Variants in DGKI observed in about 807,000 individuals in gnomAD.
DGKI encodes the protein diacylglycerol kinase iota.
Under a neutral mutation model 147.5 loss-of-function variants are expected in DGKI, and 55 were observed. That is an observed-to-expected ratio of 0.37 (90% CI 0.30 to 0.47). The LOEUF (loss-of-function observed/expected upper bound fraction) is 0.47. Ranked by LOEUF, DGKI falls within the 20% of genes least tolerant of loss-of-function variation. DGKI has a pLI of 1.00. For synonymous variants in DGKI, 469 were observed against 477.1 expected (o/e 0.98, Z 0.22); for missense variants, 1,007 against 1,323.8 (o/e 0.76, Z 3.71).
chr7:137,423,353 C>T lies in DGKI; in HGVS notation c.2762-11146G>A, dbSNP rs143229749. 7.8e-3 allele frequency among the ~76,000 whole-genome samples: 1,186 copies of T among 152,278 alleles called. 10 individuals are homozygous for T. The highest frequency in any genetic ancestry group is 0.03 in the South Asian group (146 of 4,816). On this transcript the variant is annotated intron_variant, in intron 28 of 32. Transcript: ENST00000614521. ...TCTTCCTGTGATCAGGGTCCCTGAA[C>T]TCACTGGATGTGTTTTAGCAGTGTC...
At chr7:137,525,555 G>A (rs1817114913) in intron 20 of DGKI, among the ~76,000 whole-genome samples, 1 of 152,158 alleles carries the variant, frequency 6.6e-6, no homozygotes, top group Non-Finnish European at 1.5e-5. Flanking sequence ...TGGATTTGAA[G>A]TAAAGTTCTT....
intron 2 of DGKI, among the ~76,000 whole-genome samples, chr7:137,687,824 T>G (rs1422723355): frequency 6.6e-6 from 1 of 152,110 alleles, no homozygotes; most frequent in African/African-American, 2.4e-5. Flanking sequence ...GTCAGCTAAG[T>G]GTTTCGTGTC....
intron 27 of DGKI, among the ~76,000 whole-genome samples, chr7:137,452,199 G>C (rs1813994501): frequency 6.6e-6 from 1 of 152,204 alleles, no homozygotes; most frequent in African/African-American, 2.4e-5. Flanking sequence ...ATGGGCTTAA[G>C]ATAAACATGC....
At chr7:137,717,861 T>C (rs1794427141) in intron 1 of DGKI, among the ~76,000 whole-genome samples, 1 of 152,192 alleles carries the variant, frequency 6.6e-6, no homozygotes, top group African/African-American at 2.4e-5. Context: ...AGCACATGAA[T>C]CGCACTGTTT....
At chr7:137,480,918 A>G (rs1391467136) in intron 23 of DGKI, among the ~76,000 whole-genome samples, 1 of 152,064 alleles carries the variant, frequency 6.6e-6, no homozygotes, top group Non-Finnish European at 1.5e-5. Context: ...ATTCTACCCT[A>G]CTACATCTAT....
intron 19 of DGKI, among the ~76,000 whole-genome samples, chr7:137,564,169 T>G (rs1818507584): frequency 6.6e-6 from 1 of 152,172 alleles, no homozygotes; most frequent in African/African-American, 2.4e-5. Flanking sequence ...TGGAAAAAGC[T>G]GGATAAATGC....
At position 137,386,066 on chromosome 7, in the gene DGKI, TG is replaced by T. The variant is rs1316219331; in HGVS notation, c.*5153del. ...GATTACATGCATAACTGAATACATA[TG>T]TAAATAGACTCTGGAGTCTATGCAT... is the stretch of plus-strand genomic sequence containing the variant. On this transcript the variant is annotated 3_prime_UTR_variant, in exon 33 of 33. Transcript: ENST00000614521. The T allele has an allele frequency of 1.3e-5, 2 of 152,164 alleles. No homozygotes were observed. The highest frequency in any genetic ancestry group is 2.9e-5 in the Non-Finnish European group (2 of 68,020). 9.4% of individuals were successfully genotyped at this position (152,164 alleles called of 1,614,324 possible).
At chr7:137,630,746 A>G (rs1003977917) in intron 6 of DGKI, among the ~76,000 whole-genome samples, 1 of 152,286 alleles carries the variant, frequency 6.6e-6, no homozygotes, top group African/African-American at 2.4e-5. Context: ...TTTTTTTCAG[A>G]TAGTTAGTGC....
intron 30 of DGKI, among the ~76,000 whole-genome samples, chr7:137,397,866 T>C (rs1043212995): frequency 3.9e-5 from 6 of 152,334 alleles, no homozygotes; most frequent in African/African-American, 1.4e-4. Context: ...TTCCAGTTTT[T>C]ATAAAATTTC....
At chr7:137,684,922 C>T (rs1240377401) in intron 2 of DGKI, among the ~76,000 whole-genome samples, 1 of 152,158 alleles carries the variant, frequency 6.6e-6, no homozygotes, top group African/African-American at 2.4e-5. Context: ...AACATGCACA[C>T]GGACGAGCAC....
In DGKI at chr7:137,572,834, T is replaced by C; in HGVS notation, c.1766A>G (p.Asp589Gly). 1 of 1,608,354 alleles carries C rather than the reference T, an allele frequency of 6.2e-7. No individual in the cohort carries two copies. Among genetic ancestry groups the C allele is most frequent in the Non-Finnish European group, 8.5e-7 (1 of 1,178,090 alleles). The change falls in exon 18 of 33, where the codon GAT becomes GGT. Residue 589 changes from aspartate (D) to glycine (G), a missense_variant. Transcript: ENST00000614521. ...DLSKHVKVVC[D>G]GTDLTPKIQE... ...AATCTTTGGGGTGAGATCTGTTCCA[T>C]CACACTGAAACAATGAAAACAGAAA...
At chr7:137,783,428 A>G (rs1796579434) in intron 1 of DGKI, among the ~76,000 whole-genome samples, 1 of 152,236 alleles carries the variant, frequency 6.6e-6, no homozygotes, top group Non-Finnish European at 1.5e-5. Context: ...TCAAAGACAA[A>G]GAAAAAAGAA....
At chr7:137,623,772 G>C (rs982998039) in intron 6 of DGKI, among the ~76,000 whole-genome samples, 1 of 152,214 alleles carries the variant, frequency 6.6e-6, no homozygotes, top group Admixed American at 6.5e-5. Flanking sequence ...GTGAGAGAGA[G>C]AGGAGGTGCT....
chr7:137,722,408 G>C (rs528055310), intron 1 of DGKI: 2 of 1,612,346 alleles, frequency 1.2e-6, no homozygotes, highest in South Asian at 2.2e-5. Context: ...AGAAAACTGC[G>C]AGCCAGCATT....
At chr7:137,608,443 C>T (rs1289138915) in intron 10 of DGKI, among the ~76,000 whole-genome samples, 1 of 152,090 alleles carries the variant, frequency 6.6e-6, no homozygotes, top group Non-Finnish European at 1.5e-5. Flanking sequence ...AGTATCTGTA[C>T]TATTGGATTT....
At position 137,437,166 on chromosome 7, in the gene DGKI, C is replaced by G. The variant is rs570410903; in HGVS notation, c.2761+6911G>C. Among the ~76,000 whole-genome samples, 37 of 152,072 alleles carry G rather than the reference C, an allele frequency of 2.4e-4. 1 individual carries two copies. Among genetic ancestry groups the G allele is most frequent in the Non-Finnish European group, 4.1e-4 (28 of 67,982 alleles). ...AAGGTTTTAACCAGTGCAGAAAGCA[C>G]CAGAAATATGTATACAAAGCATAAT... On this transcript the variant is annotated intron_variant, in intron 28 of 32. Coordinates refer to ENST00000614521, the MANE Select transcript of DGKI (RefSeq NM_001321708.2).
chr7:137,530,469 C>T (rs578086746), intron 20 of DGKI, among the ~76,000 whole-genome samples: 26 of 152,280 alleles, frequency 1.7e-4, no homozygotes, highest in African/African-American at 6.0e-4. Context: ...AATTTCATCA[C>T]ACTGCACACT....
chr7:137,412,954 T>C (rs759579142), intron 28 of DGKI, among the ~76,000 whole-genome samples: 4 of 152,180 alleles, frequency 2.6e-5, no homozygotes, highest in Non-Finnish European at 5.9e-5. Flanking sequence ...TAATGATTCA[T>C]GCACCTTATG....
At chr7:137,701,735 A>C (rs1823990709) in intron 1 of DGKI, among the ~76,000 whole-genome samples, 1 of 152,200 alleles carries the variant, frequency 6.6e-6, no homozygotes, top group East Asian at 1.9e-4. Flanking sequence ...AAAGATCAGT[A>C]CTACTAACAT....
Sources: gnomAD v4.1 joint callset for allele counts (sites outside exome capture counted in the v4.1 genomes callset) on GRCh38, gnomAD v4.1.1 for gene constraint, MANE v1.5 for transcripts, NCBI Gene and HGNC (gene_info 2026-07-23, HGNC 2026-07-21) for gene names.